PLPPR1: variants seen among roughly 807,000 people sequenced by gnomAD.
PLPPR1 encodes phospholipid phosphatase-related protein type 1.
A neutral mutation model predicts 33.1 loss-of-function variants in PLPPR1; 10 were observed. The observed-to-expected ratio is 0.30, with a 90% CI of 0.19 to 0.51. The LOEUF is 0.51. Among genes scored for constraint, PLPPR1 ranks in the 20% least tolerant of loss-of-function variants. PLPPR1 has a pLI of 0.97. For missense variants in PLPPR1, 304 were observed against 408.1 expected (o/e 0.74, Z 2.20); for synonymous variants, 151 against 151.0 (o/e 1.00, Z 0.00).
chr9:101,296,106 GA>G (rs1416741000), intron 4 of PLPPR1, among the ~76,000 whole-genome samples: 1 of 151,698 alleles, frequency 6.6e-6, no homozygotes, highest in African/African-American at 2.4e-5. Flanking sequence ...AAATTTACAA[GA>G]AAAAAACAAC....
chr9:101,301,690 A>G (rs1021562561), intron 4 of PLPPR1, among the ~76,000 whole-genome samples: 5 of 152,222 alleles, frequency 3.3e-5, no homozygotes, highest in Non-Finnish European at 5.9e-5. Flanking sequence ...TTATTTTTGA[A>G]GCACAATATA....
chr9:101,109,738 A>G (rs921891237), intron 1 of PLPPR1, among the ~76,000 whole-genome samples: 4 of 152,180 alleles, frequency 2.6e-5, no homozygotes, highest in African/African-American at 7.2e-5. Flanking sequence ...AATCGCTGTT[A>G]GTATTCTTGG....
chr9:101,269,989 C>G lies in PLPPR1; in HGVS notation c.173C>G (p.Pro58Arg). The change falls in exon 3 of 8, where the codon CCT becomes CGT. Residue 58 changes from proline (P) to arginine (R), a missense_variant. Coordinates refer to ENST00000374874, the MANE Select transcript of PLPPR1 (RefSeq NM_207299.2). ...FFCQDGDLMKPYPGTEEESFI... is the reference protein window; with the variant it reads ...FFCQDGDLMKRYPGTEEESFI... ...TGTCAGGACGGAGACTTAATGAAGC[C>G]TTACCCAGGGACAGAGGAAGAAAGC... is the stretch of plus-strand genomic sequence containing the variant. 1.2e-6 allele frequency: 2 copies of G among 1,614,198 alleles called. No homozygotes were observed. Among genetic ancestry groups the G allele is most frequent in the East Asian group, 4.5e-5 (2 of 44,880 alleles).
chr9:101,196,256 C>T (rs1311666718), intron 2 of PLPPR1, among the ~76,000 whole-genome samples: 1 of 151,948 alleles, frequency 6.6e-6, no homozygotes, highest in Non-Finnish European at 1.5e-5. Context: ...TATCTTGGAG[C>T]CTATAAAAAC....
At chr9:101,204,756 C>T (rs1826558144) in intron 2 of PLPPR1, among the ~76,000 whole-genome samples, 1 of 148,494 alleles carries the variant, frequency 6.7e-6, no homozygotes, top group Admixed American at 7.0e-5. Flanking sequence ...ACCTGCCAGT[C>T]AAATTCAACT....
chr9:101,044,738 T>C (rs531204421), intron 1 of PLPPR1, among the ~76,000 whole-genome samples: 47 of 152,308 alleles, frequency 3.1e-4, no homozygotes, highest in Middle Eastern at 3.4e-3. Context: ...CAGATGGAAA[T>C]GCATGTGCTG....
At chr9:101,298,849 G>A (rs1021430057) in intron 4 of PLPPR1, among the ~76,000 whole-genome samples, 8 of 152,192 alleles carry the variant, frequency 5.3e-5, no homozygotes, top group Admixed American at 2.6e-4. Flanking sequence ...GAAATAGGGA[G>A]TTTGTGGCAG....
chr9:101,322,198 C>CAAAAAAAAAAAAAAAAAAA, intron 7 of PLPPR1, among the ~76,000 whole-genome samples: 1 of 27,680 alleles, frequency 3.6e-5, no homozygotes, highest in South Asian at 2.4e-3. Flanking sequence ...GACTTCATCT[C>CAAAAAAAAAAAAAAAAAAA]AAAAAAAAAA....
At chr9:101,145,601 G>C (rs1043467639) in intron 1 of PLPPR1, among the ~76,000 whole-genome samples, 1 of 151,948 alleles carries the variant, frequency 6.6e-6, no homozygotes, top group South Asian at 2.1e-4. Context: ...GGCTAGTCTC[G>C]AACTCCTGAC....
At chr9:101,254,943 A>G (rs545696086) in intron 2 of PLPPR1, among the ~76,000 whole-genome samples, 2 of 152,154 alleles carry the variant, frequency 1.3e-5, no homozygotes, top group Non-Finnish European at 2.9e-5. Flanking sequence ...TTCTCCAGGC[A>G]GTGCCAGGTT....
intron 4 of PLPPR1, among the ~76,000 whole-genome samples, chr9:101,308,291 G>A (rs775499709): frequency 1.3e-5 from 2 of 152,204 alleles, no homozygotes; most frequent in Non-Finnish European, 2.9e-5. Flanking sequence ...AGTGAAGGCA[G>A]AAGTTGGAAT....
intron 1 of PLPPR1, among the ~76,000 whole-genome samples, chr9:101,049,594 A>C (rs933114457): frequency 4.6e-5 from 7 of 152,206 alleles, no homozygotes; most frequent in Non-Finnish European, 8.8e-5. Flanking sequence ...AGACAGATAT[A>C]GGTTAAATGA....
At chr9:101,153,661 G>A (rs905911601) in intron 1 of PLPPR1, among the ~76,000 whole-genome samples, 6 of 152,194 alleles carry the variant, frequency 3.9e-5, no homozygotes, top group Middle Eastern at 3.4e-3. Context: ...TGCAAGCTCC[G>A]ACTCCCGGGT....
At chr9:101,098,578 T>A (rs927547606) in intron 1 of PLPPR1, among the ~76,000 whole-genome samples, 4 of 152,044 alleles carry the variant, frequency 2.6e-5, no homozygotes, top group Non-Finnish European at 5.9e-5. Flanking sequence ...CCAGGGGTCA[T>A]CAACATGTGA....
At chr9:101,167,732 C>A (rs1454767456) in intron 1 of PLPPR1, among the ~76,000 whole-genome samples, 1 of 152,114 alleles carries the variant, frequency 6.6e-6, no homozygotes, top group East Asian at 1.9e-4. Flanking sequence ...ATCCCAGATT[C>A]AAACAAGAGC....
At chr9:101,051,680 A>G (rs1036331700) in intron 1 of PLPPR1, among the ~76,000 whole-genome samples, 3 of 152,114 alleles carry the variant, frequency 2.0e-5, no homozygotes, top group Non-Finnish European at 4.4e-5. Flanking sequence ...TGCTTACTTC[A>G]TTACTGTTCT....
At chr9:101,294,545 A>T (rs1228583560) in intron 4 of PLPPR1, among the ~76,000 whole-genome samples, 7 of 151,866 alleles carry the variant, frequency 4.6e-5, no homozygotes, top group African/African-American at 1.7e-4. Flanking sequence ...TTGATGCAAA[A>T]ATCCTCAATA....
intron 1 of PLPPR1, among the ~76,000 whole-genome samples, chr9:101,124,527 C>A (rs926901296): frequency 1.3e-5 from 2 of 151,968 alleles, no homozygotes; most frequent in African/African-American, 2.4e-5. Context: ...CACAAGCATA[C>A]CCTCACCTCC....
chr9:101,244,526 A>C (rs1333685164), intron 2 of PLPPR1, among the ~76,000 whole-genome samples: 1 of 151,530 alleles, frequency 6.6e-6, no homozygotes, highest in Non-Finnish European at 1.5e-5. Context: ...CTGAGCAACA[A>C]ATTCTTTTAG....
Sources: gnomAD v4.1 joint callset for allele counts (sites outside exome capture counted in the v4.1 genomes callset) on GRCh38, gnomAD v4.1.1 for gene constraint, MANE v1.5 for transcripts, NCBI Gene and HGNC (gene_info 2026-07-23, HGNC 2026-07-21) for gene names.